FRAS1: variants seen among roughly 807,000 people sequenced by gnomAD.
FRAS1 encodes the protein extracellular matrix organizing protein FRAS1.
Under a neutral mutation model 435.2 loss-of-function variants are expected in FRAS1, and 290 were observed. That is an observed-to-expected ratio of 0.67 (90% confidence interval 0.61 to 0.73). The LOEUF (loss-of-function observed/expected upper bound fraction) is 0.73, where lower values mean the gene tolerates loss of function less well. Ranked by LOEUF, FRAS1 falls within the 30% of genes least tolerant of loss-of-function variation. FRAS1 has a pLI of 0.00. For synonymous variants in FRAS1, 1,800 were observed against 1,851.0 expected (o/e 0.97, Z 0.71); for missense variants, 4,860 against 5,001.5 (o/e 0.97, Z 0.85).
chr4:78,314,401 A>C (rs1215868972), intron 15 of FRAS1, among the ~76,000 whole-genome samples: 1 of 151,752 alleles, frequency 6.6e-6, no homozygotes, highest in Non-Finnish European at 1.5e-5. Context: ...TTTTTTCTTC[A>C]CTGCTCTCAA....
intron 3 of FRAS1, among the ~76,000 whole-genome samples, chr4:78,241,682 T>A (rs896965922): frequency 6.6e-6 from 1 of 151,952 alleles, no homozygotes; most frequent in Non-Finnish European, 1.5e-5. Context: ...GGTAAAGAAG[T>A]GCTCAAGGAT....
intron 2 of FRAS1, among the ~76,000 whole-genome samples, chr4:78,228,890 T>C (rs745551416): frequency 7.2e-5 from 11 of 152,238 alleles, no homozygotes; most frequent in Non-Finnish European, 1.3e-4. Flanking sequence ...AGTCCAATCT[T>C]ATCCTTAGTT....
chr4:78,436,305 A>G (rs1219427739), intron 38 of FRAS1, among the ~76,000 whole-genome samples: 2 of 152,212 alleles, frequency 1.3e-5, no homozygotes, highest in Admixed American at 6.5e-5. Context: ...TATTAAAACC[A>G]TATACCATTT....
intron 2 of FRAS1, among the ~76,000 whole-genome samples, chr4:78,121,335 G>A (rs552360687): frequency 1.3e-5 from 2 of 152,204 alleles, no homozygotes; most frequent in East Asian, 1.9e-4. Context: ...AATCTTTTCT[G>A]GGGTTTAAAT....
intron 20 of FRAS1, among the ~76,000 whole-genome samples, chr4:78,362,845 T>C (rs956485483): frequency 1.5e-5 from 2 of 134,304 alleles, no homozygotes; most frequent in Non-Finnish European, 3.5e-5. Context: ...CTGTCTCCCC[T>C]CTACTGACTG....
At chr4:78,446,202 A>G in intron 42 of FRAS1, 1 of 997,728 alleles carries the variant, frequency 1.0e-6, no homozygotes, top group Non-Finnish European at 1.2e-6. Flanking sequence ...GATAAATCTC[A>G]GAATGAAATA....
chr4:78,294,813 C>T (rs73827952), intron 14 of FRAS1, among the ~76,000 whole-genome samples: 2,083 of 151,658 alleles, frequency 0.014, 53 homozygotes, highest in African/African-American at 0.047. Context: ...GGAAAATTAC[C>T]AAAATTCCCC....
intron 2 of FRAS1, among the ~76,000 whole-genome samples, chr4:78,183,962 C>T (rs778011968): frequency 3.8e-4 from 58 of 152,176 alleles, no homozygotes; most frequent in Non-Finnish European, 7.5e-4. Context: ...GACAGCTCTT[C>T]CTGGTCAAAC....
intron 2 of FRAS1, among the ~76,000 whole-genome samples, chr4:78,175,423 C>T (rs1237981851): frequency 1.3e-5 from 2 of 152,160 alleles, no homozygotes; most frequent in African/African-American, 4.8e-5. Context: ...AATGCACCCT[C>T]AGTTTATTGG....
At position 78,473,509 on chromosome 4, in the gene FRAS1, C is replaced by T; in HGVS notation, c.7594C>T (p.Gln2532Ter). 2 of 1,613,368 alleles carry T rather than the reference C, an allele frequency of 1.2e-6. No individual in the cohort carries two copies. The highest frequency in any genetic ancestry group is 1.7e-6 in the Non-Finnish European group (2 of 1,179,522). The change falls in exon 53 of 74, where the codon CAG becomes TAG. Residue 2532 changes from glutamine (Q) to a stop codon, truncating the protein, a stop_gained. Transcript: ENST00000512123. LOFTEE classifies it high-confidence loss of function. ...GATCCGTGAGATGATGGATAGTTTT[C>T]AGTTTCTGGTGAAAGACAGTAAACC... ...EKIREMMDSFQFLVKDSKPNV... is the reference protein window; with the variant it reads ...EKIREMMDSF
At chr4:78,068,251 C>T (rs904352817) in intron 2 of FRAS1, among the ~76,000 whole-genome samples, 2 of 151,646 alleles carry the variant, frequency 1.3e-5, no homozygotes, top group Admixed American at 6.6e-5. Flanking sequence ...GGAGGTGGAA[C>T]GGATAGAAAA....
intron 52 of FRAS1, 55 bp from the exon 53 acceptor site, chr4:78,473,383 A>G (rs1719765852): frequency 9.6e-6 from 14 of 1,451,320 alleles, no homozygotes; most frequent in South Asian, 5.2e-5. Flanking sequence ...GTGGTAATCT[A>G]TGAAGCTGTC....
intron 66 of FRAS1, among the ~76,000 whole-genome samples, chr4:78,518,335 A>G (rs1351964177): frequency 6.6e-6 from 1 of 151,072 alleles, no homozygotes; most frequent in Non-Finnish European, 1.5e-5. Context: ...GTATTTTCAA[A>G]CAAAAGAAAA....
intron 9 of FRAS1, among the ~76,000 whole-genome samples, chr4:78,271,920 C>A (rs1726715349): frequency 6.6e-6 from 1 of 152,226 alleles, no homozygotes; most frequent in African/African-American, 2.4e-5. Context: ...AACTAGTTTA[C>A]CGTCCCACCA....
chr4:78,122,243 T>G (rs182806121), intron 2 of FRAS1, among the ~76,000 whole-genome samples: 47 of 152,296 alleles, frequency 3.1e-4, no homozygotes, highest in African/African-American at 4.8e-5. Context: ...TTTCTGATCT[T>G]GTAATAGTTT....
intron 2 of FRAS1, among the ~76,000 whole-genome samples, chr4:78,213,097 A>G (rs1350698235): frequency 2.0e-5 from 3 of 152,184 alleles, no homozygotes; most frequent in Non-Finnish European, 4.4e-5. Flanking sequence ...TTCAGCCAAG[A>G]GCAATTCCTA....
At chr4:78,532,692 C>T (rs960025861) in intron 70 of FRAS1, among the ~76,000 whole-genome samples, 12 of 152,086 alleles carry the variant, frequency 7.9e-5, no homozygotes, top group Admixed American at 3.9e-4. Context: ...TGTTCCCACC[C>T]GAATCAGCTT....
intron 6 of FRAS1, among the ~76,000 whole-genome samples, chr4:78,260,470 G>A (rs1455249048): frequency 6.6e-6 from 1 of 151,992 alleles, no homozygotes; most frequent in African/African-American, 2.4e-5. Context: ...AAGCAATTGT[G>A]AACGGGAGTT....
chr4:78,212,091 A>G (rs1578187562), intron 2 of FRAS1, among the ~76,000 whole-genome samples: 2 of 152,216 alleles, frequency 1.3e-5, no homozygotes, highest in East Asian at 3.8e-4. Flanking sequence ...ACATTCATTC[A>G]TCTTTCATCT....
Sources: allele counts gnomAD v4.1 joint callset (sites outside exome capture counted in the v4.1 genomes callset), GRCh38; gene constraint gnomAD v4.1.1; transcripts MANE v1.5; gene names NCBI Gene and HGNC (gene_info 2026-07-23, HGNC 2026-07-21).